Variants in CPOX observed in about 807,000 individuals in gnomAD.
CPOX encodes the protein oxygen-dependent coproporphyrinogen-III oxidase, mitochondrial.
A neutral mutation model predicts 48.9 loss-of-function variants in CPOX; 24 were observed. The observed-to-expected ratio is 0.49, with a 90% CI of 0.36 to 0.69. CPOX has a LOEUF of 0.69. CPOX is among the 30% of genes least tolerant of loss of function. The pLI, the probability that CPOX is intolerant of heterozygous loss-of-function variation, is 0.00. For missense variants in CPOX, 549 were observed against 597.3 expected (o/e 0.92, Z 0.84); for synonymous variants, 249 against 234.6 (o/e 1.06, Z -0.56).
At chr3:98,571,159 T>G in the CPOX span, among the ~76,000 whole-genome samples, 1 of 152,208 alleles carries the variant, frequency 6.6e-6, no homozygotes, top group Admixed American at 6.5e-5. Context: ...ATTTTACCTC[T>G]TCTTTTCTAA....
intron 4 of CPOX, chr3:98,585,929 G>C (rs1707355292): frequency 1.0e-5 from 4 of 383,318 alleles, no homozygotes; most frequent in African/African-American, 8.4e-5. Context: ...CTGGAGTGCA[G>C]TGGTGCGATC....
rs1022079508 is a variant in CPOX at position 98,593,292 on chromosome 3, G to A, written c.213C>T (p.Gly71=). The A allele has an allele frequency of 1.8e-5, 26 of 1,448,772 alleles. No homozygotes were observed. The highest frequency in any genetic ancestry group is 2.3e-5 in the Non-Finnish European group (25 of 1,108,734). 89.7% of individuals were successfully genotyped at this position (1,448,772 alleles called of 1,614,324 possible). The change falls in exon 1 of 7, where the codon GGC becomes GGT. Residue 71 remains glycine (G), a synonymous_variant. Coordinates refer to ENST00000647941, the MANE Select transcript of CPOX (RefSeq NM_000097.7). ...GLGHGSTSRG[G]PWVGTGLAAA... Reference sequence around the variant, plus strand: ...CGGCCAGCCCTGTCCCCACCCAGGGGCCGCCTCTCGACGTCGAGCCGTGCC... The same window carrying A: ...CGGCCAGCCCTGTCCCCACCCAGGGACCGCCTCTCGACGTCGAGCCGTGCC...
chr3:98,580,642 T>C lies in CPOX; in HGVS notation c.*41A>G, dbSNP rs1707240430. On this transcript the variant is annotated 3_prime_UTR_variant, in exon 7 of 7. Transcript: ENST00000647941. ...CGACCAGTGGCATGGGGAGCACACA[T>C]CGTGTGCCCTCCAAACCCCTGCACA... 6.2e-6 allele frequency: 10 copies of C among 1,611,954 alleles called. No homozygotes were observed. The highest frequency in any genetic ancestry group is 3.3e-5 in the Admixed American group (2 of 59,764).
Position 98,580,441 on chromosome 3 carries a change from A to C in CPOX, c.*242T>G. 1 of 1,331,482 alleles carries C rather than the reference A, an allele frequency of 7.5e-7. No homozygotes were observed. Among genetic ancestry groups the C allele is most frequent in the Non-Finnish European group, 9.7e-7 (1 of 1,036,192 alleles). 82.5% of individuals were successfully genotyped at this position (1,331,482 alleles called of 1,614,324 possible). On this transcript the variant is annotated 3_prime_UTR_variant, in exon 7 of 7. Coordinates refer to ENST00000647941, the MANE Select transcript of CPOX (RefSeq NM_000097.7). ...AACTCAATGTCCTATTTTGTAAACTAGTCATATAAAATGACACTAGAAGTA... is the reference window on the plus strand; with the variant it reads ...AACTCAATGTCCTATTTTGTAAACTCGTCATATAAAATGACACTAGAAGTA...
Position 98,593,380 on chromosome 3 carries a change from C to T in CPOX, c.125G>A (p.Ser42Asn), listed in dbSNP as rs886058951. The T allele has an allele frequency of 1.5e-6, 2 of 1,356,974 alleles. No homozygotes were observed. Among genetic ancestry groups the T allele is most frequent in the African/African-American group, 3.1e-5 (2 of 65,034 alleles). The allele number at this position is 1,356,974 out of a possible 1,614,324, so 84.1% of individuals were successfully genotyped here. ...GGGLRAWSQR[S>N]AAGRVCRPPG... Reference sequence around the variant, plus strand: ...GGGCCGGCAGACGCGTCCGGCTGCGCTGCGCTGGGACCAGGCTCGGAGCCC... The same window carrying T: ...GGGCCGGCAGACGCGTCCGGCTGCGTTGCGCTGGGACCAGGCTCGGAGCCC... The change falls in exon 1 of 7, where the codon AGC becomes AAC. Residue 42 changes from serine (S) to asparagine (N), a missense_variant. Transcript: ENST00000647941.
Position 98,585,526 on chromosome 3 carries a change from G to C in CPOX, c.1087C>G (p.Pro363Ala). The change falls in exon 5 of 7, where the codon CCT (proline) becomes GCT (alanine). Residue 363 changes from proline to alanine, a missense_variant. Physicochemically the swap from Pro to Ala is conservative, Grantham distance 27. Transcript: ENST00000647941. The part of the protein sequence containing the change: ...FVQSCARAVV[P>A]SYIPLVKKHC... ...TTTTTCACAAGGGGAATGTAAGAAG[G>C]AACTACAGCCCTGGCACAGCTCTGT... 3.7e-6 allele frequency: 6 copies of C among 1,614,072 alleles called. No homozygotes were observed. The highest frequency in any genetic ancestry group is 5.1e-6 in the Non-Finnish European group (6 of 1,180,020).
At chr3:98,578,249 G>T (rs1427924776), downstream of CPOX, 2 of 973,598 alleles carry the variant, frequency 2.1e-6, no homozygotes, top group Non-Finnish European at 2.4e-6. Flanking sequence ...ATCCATAGTA[G>T]AAATACGTGG....
chr3:98,574,315 G>T, the CPOX span, among the ~76,000 whole-genome samples: 2 of 152,160 alleles, frequency 1.3e-5, no homozygotes, highest in African/African-American at 4.8e-5. Context: ...GCACAGCAAC[G>T]ATGGCTTGTC....
chr3:98,587,576 T>C (rs1056202834), intron 4 of CPOX, among the ~76,000 whole-genome samples: 2 of 150,268 alleles, frequency 1.3e-5, no homozygotes, highest in Non-Finnish European at 3.0e-5. Context: ...GGTCTCTTCT[T>C]ATAAAGCCAC....
At chr3:98,574,481 T>C (rs1707131716), downstream of CPOX, among the ~76,000 whole-genome samples, 1 of 152,248 alleles carries the variant, frequency 6.6e-6, no homozygotes, top group Non-Finnish European at 1.5e-5. Context: ...TAGGAATACA[T>C]TATTTTTAAG....
In CPOX at chr3:98,579,560, C is replaced by T. The variant is rs763280780; in HGVS notation, c.*1123G>A. On this transcript the variant is annotated 3_prime_UTR_variant, in exon 7 of 7. Coordinates refer to ENST00000647941, the MANE Select transcript of CPOX (RefSeq NM_000097.7). ...CAGAATCACAAACATTCAACGTGTT[C>T]CACGATAATGATATGTATGAGATGC... 1.2e-5 allele frequency: 12 copies of T among 985,236 alleles called. No individual in the cohort carries two copies. The highest frequency in any genetic ancestry group is 1.4e-5 in the Non-Finnish European group (12 of 829,894). The allele number at this position is 985,236 out of a possible 1,614,324, so 61.0% of individuals were successfully genotyped here.
chr3:98,582,616 C>T (rs776590824), intron 5 of CPOX, among the ~76,000 whole-genome samples: 49 of 152,086 alleles, frequency 3.2e-4, no homozygotes, highest in Non-Finnish European at 6.3e-4. Flanking sequence ...CTCAGTCTCC[C>T]GAGTAGCTGG....
intron 3 of CPOX, among the ~76,000 whole-genome samples, chr3:98,589,191 C>T (rs937625796): frequency 6.6e-6 from 1 of 151,946 alleles, no homozygotes; most frequent in African/African-American, 2.4e-5. Context: ...GTGTGGTGGT[C>T]ACCTATAATC....
Position 98,585,614 on chromosome 3 carries a change from G to A in CPOX, c.999C>T (p.Gly333=). ...FFIAHRGERR[G]IGGIFFDDLD... ...GATCATCAAAAAAGATACCACCAATGCCCCGCCGTTCTCCACGATGGGCTA... is the reference window on the plus strand; with the variant it reads ...GATCATCAAAAAAGATACCACCAATACCCCGCCGTTCTCCACGATGGGCTA... The change falls in exon 5 of 7, where the codon GGC becomes GGT. Residue 333 remains glycine, a synonymous_variant. Coordinates refer to ENST00000647941, the MANE Select transcript of CPOX (RefSeq NM_000097.7). 1.9e-6 allele frequency: 3 copies of A among 1,613,972 alleles called. No homozygotes were observed. Among genetic ancestry groups the A allele is most frequent in the Admixed American group, 3.3e-5 (2 of 60,002 alleles).
At chr3:98,573,621 C>T in the CPOX span, among the ~76,000 whole-genome samples, 1 of 152,024 alleles carries the variant, frequency 6.6e-6, no homozygotes, top group African/African-American at 2.4e-5. Context: ...ATTTTCTGCT[C>T]CACCTACTGG....
intron 5 of CPOX, among the ~76,000 whole-genome samples, chr3:98,583,598 T>C (rs1025223286): frequency 5.3e-5 from 8 of 152,132 alleles, no homozygotes; most frequent in Non-Finnish European, 8.8e-5. Context: ...TGTTTTCCTA[T>C]GAAAAGGATA....
At position 98,585,739 on chromosome 3, in the gene CPOX, C is replaced by T. The variant is rs149139653; in HGVS notation, c.954-80G>A. The T allele has an allele frequency of 5.5e-6, 6 of 1,087,354 alleles. No homozygotes were observed. The East Asian group carries it at 7.1e-5, about 13-fold the overall frequency. The allele number at this position is 1,087,354 out of a possible 1,614,324, so 67.4% of individuals were successfully genotyped here. A position where few individuals can be genotyped will look rare whatever the true frequency, so the allele number is the denominator to read the frequency against. On this transcript the variant is annotated intron_variant, in intron 4 of 6. Coordinates refer to ENST00000647941, the MANE Select transcript of CPOX (RefSeq NM_000097.7). ...AAATCAATGTGAGCCTTTCAGGTTA[C>T]AGCACTATCCTCAACTAATGTCAGG...
chr3:98,586,721 G>T (rs1707370973), intron 4 of CPOX, among the ~76,000 whole-genome samples: 2 of 152,114 alleles, frequency 1.3e-5, no homozygotes, highest in Non-Finnish European at 2.9e-5. Context: ...GAGGCAGGCG[G>T]ATCACGAGGT....
chr3:98,580,213 CA>C lies in CPOX; in HGVS notation c.*469del. The stretch of plus-strand genomic sequence containing the variant: ...ATTACAGCAGAGACTTCAGTATTGA[CA>C]AAGTAAAATTTTTACCTTCAAGTTG... On this transcript the variant is annotated 3_prime_UTR_variant, in exon 7 of 7. Transcript: ENST00000647941. 16 of 995,474 alleles carry C rather than the reference CA, an allele frequency of 1.6e-5. No homozygotes were observed. Among genetic ancestry groups the C allele is most frequent in the Non-Finnish European group, 1.8e-5 (15 of 835,470 alleles). 61.7% of individuals were successfully genotyped at this position (995,474 alleles called of 1,614,324 possible).
Sources: allele counts gnomAD v4.1 joint callset (sites outside exome capture counted in the v4.1 genomes callset), GRCh38; gene constraint gnomAD v4.1.1; transcripts MANE v1.5; gene names NCBI Gene and HGNC (gene_info 2026-07-23, HGNC 2026-07-21).